The following GDI2 variants were observed in gnomAD, a reference collection of about 807,000 sequenced individuals.
GDI2 encodes rab GDP dissociation inhibitor beta.
Under a neutral mutation model 54.2 loss-of-function variants are expected in GDI2, and 22 were observed. The observed-to-expected ratio is 0.41, with a 90% CI of 0.29 to 0.58. The LOEUF (loss-of-function observed/expected upper bound fraction) is 0.58, where lower values mean the gene tolerates loss of function less well. GDI2 is among the 20% of genes least tolerant of loss of function. The pLI is 0.35. For synonymous variants in GDI2, 177 were observed against 182.1 expected, an observed-to-expected ratio of 0.97 and a Z score of 0.23; for missense variants, 422 against 546.0, an observed-to-expected ratio of 0.77 and a Z score of 2.26.
In GDI2 at chr10:5,776,559, T is replaced by G; in HGVS notation, c.720-2618A>C. On this transcript the variant is annotated intron_variant, in intron 6 of 10. Coordinates refer to ENST00000380191, the MANE Select transcript of GDI2 (RefSeq NM_001494.4). The surrounding 1 kb of genome is among the most constrained non-coding windows in gnomAD (Gnocchi z 5.3). ...TTGAAGAGGCATGTGGAATTCCTTG[T>G]GGCTGAGAATGAAAGATTAAGGAAA... 6.4e-7 allele frequency: 1 copy of G among 1,565,200 alleles called. No homozygotes were observed. The highest frequency in any genetic ancestry group is 8.8e-7 in the Non-Finnish European group (1 of 1,139,042).
Position 5,796,779 on chromosome 10 carries a change from C to T in GDI2, c.237G>A (p.Lys79=). Residue 79 remains lysine, a synonymous_variant, in exon 3 of 11, where the codon AAG becomes AAA. Coordinates refer to ENST00000380191, the MANE Select transcript of GDI2 (RefSeq NM_001494.4). Reference sequence around the variant, plus strand: ...ATTCTTTACCATTAGCCATAAGGAACTTGGGAATCAAGTCAACATTCCAGT... The same window carrying T: ...ATTCTTTACCATTAGCCATAAGGAATTTGGGAATCAAGTCAACATTCCAGT... The part of the protein sequence containing the change: ...GRDWNVDLIP[K]FLMANGQLVK... The T allele has an allele frequency of 6.6e-7, 1 of 1,513,982 alleles. No homozygotes were observed. Among genetic ancestry groups the T allele is most frequent in the Non-Finnish European group, 9.2e-7 (1 of 1,089,622 alleles). The allele number at this position is 1,513,982 out of a possible 1,614,324, so 93.8% of individuals were successfully genotyped here.
At chr10:5,788,854 T>G (rs926481124) in intron 4 of GDI2, among the ~76,000 whole-genome samples, 1 of 152,006 alleles carries the variant, frequency 6.6e-6, no homozygotes, top group Non-Finnish European at 1.5e-5. Context: ...CCTCTGCCCC[T>G]GAGGTTCAAG....
intron 1 of GDI2, among the ~76,000 whole-genome samples, chr10:5,804,343 C>G (rs551946135): frequency 2.6e-5 from 4 of 152,310 alleles, no homozygotes; most frequent in African/African-American, 9.6e-5. Flanking sequence ...ATCTGCCCAC[C>G]TTGGCCTCCC....
intron 7 of GDI2, among the ~76,000 whole-genome samples, chr10:5,770,081 A>T (rs148386111): frequency 1.1e-4 from 16 of 152,354 alleles, no homozygotes; most frequent in African/African-American, 3.4e-4. Context: ...ATGCTACAAC[A>T]CAGATGAACC....
chr10:5,801,777 G>A lies in GDI2; in HGVS notation c.46-1072C>T, dbSNP rs754727499. Among the ~76,000 whole-genome samples the A allele has an allele frequency of 2.1e-4, 32 of 152,308 alleles. 1 individual carries two copies. The highest frequency in any genetic ancestry group is 6.5e-4 in the African/African-American group (27 of 41,558). ...TGCAATCCCAGCACTTCGGGAGGCC[G>A]AGGTGGGTGTAATGCTTGAACCCAG... On this transcript the variant is annotated intron_variant, in intron 1 of 10. Transcript: ENST00000380191.
chr10:5,807,982 T>C (rs1841410437), intron 1 of GDI2, among the ~76,000 whole-genome samples: 1 of 152,204 alleles, frequency 6.6e-6, no homozygotes, highest in African/African-American at 2.4e-5. Context: ...AATTTAGACT[T>C]GGAAGGGAAT....
chr10:5,794,995 TA>T lies in GDI2; in HGVS notation c.277del (p.Tyr93IlefsTer4). 6.3e-7 allele frequency: 1 copy of T among 1,592,284 alleles called. No individual in the cohort carries two copies. The highest frequency in any genetic ancestry group is 8.6e-7 in the Non-Finnish European group (1 of 1,160,234). Reference sequence around the variant, plus strand: ...ATCCAGATAGCGAGTTACCTCTGTATAAAGCAGCATCTTAACCAGCTGACCT... The same window carrying T: ...ATCCAGATAGCGAGTTACCTCTGTATAAGCAGCATCTTAACCAGCTGACCT... ...ANGQLVKMLLYTEVTRYLDFK... is the reference protein window; with the variant it reads ...ANGQLVKMLLXTEVTRYLDFK... On this transcript the variant is annotated frameshift_variant, in exon 4 of 11. Coordinates refer to ENST00000380191, the MANE Select transcript of GDI2 (RefSeq NM_001494.4). LOFTEE classifies it high-confidence loss of function.
At chr10:5,785,386 GT>G in intron 5 of GDI2, 113 bp from the exon 6 acceptor site, 1 of 810,178 alleles carries the variant, frequency 1.2e-6, no homozygotes, top group Non-Finnish European at 2.0e-6. Context: ...TTGTTTTTTT[GT>G]TTTTTGAGAC....
At chr10:5,793,323 A>C (rs1385429015) in intron 4 of GDI2, among the ~76,000 whole-genome samples, 2 of 152,102 alleles carry the variant, frequency 1.3e-5, no homozygotes, top group African/African-American at 4.8e-5. Flanking sequence ...ATTCAAACTC[A>C]AACTCCTACT....
intron 4 of GDI2, among the ~76,000 whole-genome samples, chr10:5,793,369 AG>A (rs1841060069): frequency 6.6e-6 from 1 of 152,228 alleles, no homozygotes; most frequent in South Asian, 2.1e-4. Flanking sequence ...AAATTTTCAT[AG>A]TCATTTAAAA....
intron 4 of GDI2, among the ~76,000 whole-genome samples, chr10:5,794,221 AT>A (rs1841095226): frequency 7.7e-6 from 1 of 129,680 alleles, no homozygotes; most frequent in South Asian, 2.5e-4. Flanking sequence ...ATATATATAT[AT>A]ATATATATAT....
chr10:5,765,863 G>C lies in GDI2; in HGVS notation c.*143C>G, dbSNP rs1840311922. 5 of 615,946 alleles carry C rather than the reference G, an allele frequency of 8.1e-6. No individual in the cohort carries two copies. The highest frequency in any genetic ancestry group is 1.4e-5 in the Non-Finnish European group (5 of 360,646). The allele number at this position is 615,946 out of a possible 1,614,324, so 38.2% of individuals were successfully genotyped here. A position where few individuals can be genotyped will look rare whatever the true frequency, so the allele number is the denominator to read the frequency against. ...TGAAAACAAGTTAATAATTAGAAAG[G>C]TGAAGGGGAGTATTTACTGGCACAG... On this transcript the variant is annotated 3_prime_UTR_variant, in exon 11 of 11. Transcript: ENST00000380191.
intron 6 of GDI2, among the ~76,000 whole-genome samples, chr10:5,775,121 C>G (rs1453542445): frequency 6.6e-6 from 1 of 152,188 alleles, no homozygotes; most frequent in Non-Finnish European, 1.5e-5. Flanking sequence ...AACCCTGTTT[C>G]TACAACAAAT....
chr10:5,804,293 C>T (rs553933637), intron 1 of GDI2, among the ~76,000 whole-genome samples: 42 of 152,152 alleles, frequency 2.8e-4, no homozygotes, highest in Middle Eastern at 3.4e-3. Flanking sequence ...GGGGTTTCAC[C>T]GTGTTGGCCA....
At chr10:5,813,158 C>T in intron 1 of GDI2, 56 bp downstream of exon 1, 2 of 1,144,264 alleles carry the variant, frequency 1.7e-6, no homozygotes, top group South Asian at 1.4e-5. Context: ...CGTGCAGGAG[C>T]CGGGGGTGCG....
At chr10:5,795,080 T>G in intron 3 of GDI2, 61 bp from the exon 4 acceptor site, 1 of 1,014,480 alleles carries the variant, frequency 9.9e-7, no homozygotes, top group Non-Finnish European at 1.5e-6. Context: ...GAACATTTAC[T>G]AATACTAACA....
At chr10:5,794,775 C>A in intron 4 of GDI2, 110 bp downstream of exon 4, 1 of 744,794 alleles carries the variant, frequency 1.3e-6, no homozygotes, top group Non-Finnish European at 2.3e-6. Flanking sequence ...ACATGATAGA[C>A]ATTCAATAAA....
chr10:5,772,836 C>T (rs1840522085), intron 7 of GDI2, among the ~76,000 whole-genome samples: 3 of 152,118 alleles, frequency 2.0e-5, no homozygotes, highest in African/African-American at 7.2e-5. Context: ...CAGGAATTTA[C>T]ATCCTCAGGT....
chr10:5,803,613 A>T (rs1424510964), intron 1 of GDI2, among the ~76,000 whole-genome samples: 4 of 152,366 alleles, frequency 2.6e-5, no homozygotes, highest in African/African-American at 9.6e-5. Flanking sequence ...GAGACTAAAA[A>T]GTTTGAAAAC....
Sources: gnomAD v4.1 joint callset for allele counts (sites outside exome capture counted in the v4.1 genomes callset) on GRCh38, gnomAD v4.1.1 for gene constraint, Gnocchi (gnomAD v3.1) non-coding constraint, MANE v1.5 for transcripts, NCBI Gene and HGNC (gene_info 2026-07-23, HGNC 2026-07-21) for gene names.